TNIK: variants seen among roughly 807,000 people sequenced by gnomAD.
TNIK encodes the protein TRAF2 and NCK interacting kinase.
A neutral mutation model predicts 191.3 loss-of-function variants in TNIK; 49 were observed. That is an observed-to-expected ratio of 0.26 (90% CI 0.20 to 0.32). The LOEUF (loss-of-function observed/expected upper bound fraction) is 0.32, where lower values mean the gene tolerates loss of function less well. TNIK is among the 10% of genes least tolerant of loss of function. The probability of loss-of-function intolerance (pLI) is 1.00; values close to 1 mark genes in which losing one functional copy is unlikely to be tolerated. For missense variants in TNIK, 1,155 were observed against 1,702.3 expected, an observed-to-expected ratio of 0.68 and a Z score of 5.66; for synonymous variants, 594 against 600.9, an observed-to-expected ratio of 0.99 and a Z score of 0.17.
intron 1 of TNIK, among the ~76,000 whole-genome samples, chr3:171,459,202 C>T (rs1033472401): frequency 8.6e-5 from 13 of 151,334 alleles, no homozygotes; most frequent in Non-Finnish European, 1.6e-4. Context: ...GGACTGGCCA[C>T]AGACACGGGG....
chr3:171,140,268 A>G, intron 13 of TNIK, 131 bp downstream of exon 13: 1 of 716,300 alleles, frequency 1.4e-6, no homozygotes, highest in African/African-American at 1.8e-5. Flanking sequence ...ATAGGTGAGC[A>G]TAATTGCTTG....
chr3:171,333,632 G>A (rs759164308), intron 2 of TNIK, among the ~76,000 whole-genome samples: 1 of 150,082 alleles, frequency 6.7e-6, no homozygotes, highest in African/African-American at 2.5e-5. Flanking sequence ...CCATTCCCAC[G>A]GCAATAATTG....
chr3:171,281,838 A>G (rs1443326091), intron 2 of TNIK, among the ~76,000 whole-genome samples: 1 of 152,234 alleles, frequency 6.6e-6, no homozygotes, highest in African/African-American at 2.4e-5. Flanking sequence ...GAGCTTTGGA[A>G]GTGGATTTTT....
intron 8 of TNIK, among the ~76,000 whole-genome samples, chr3:171,176,985 T>C (rs1297255094): frequency 2.0e-5 from 3 of 152,232 alleles, no homozygotes; most frequent in Non-Finnish European, 2.9e-5. Flanking sequence ...TTTTCATACA[T>C]TGGAGTTTAT....
At chr3:171,141,016 G>T (rs563498412) in intron 12 of TNIK, among the ~76,000 whole-genome samples, 34 of 152,288 alleles carry the variant, frequency 2.2e-4, no homozygotes, top group Non-Finnish European at 4.3e-4. Flanking sequence ...CTCCCACCTA[G>T]TCTGCTACCT....
chr3:171,124,951 T>C (rs139095008), intron 17 of TNIK, among the ~76,000 whole-genome samples: 32 of 152,356 alleles, frequency 2.1e-4, no homozygotes, highest in African/African-American at 7.2e-4. Flanking sequence ...TTTTTTCTGA[T>C]GGCATTTCTG....
intron 1 of TNIK, among the ~76,000 whole-genome samples, chr3:171,443,778 T>C (rs926095868): frequency 6.6e-6 from 1 of 152,128 alleles, no homozygotes; most frequent in African/African-American, 2.4e-5. Context: ...GAGCCATGAT[T>C]GAGCCACTGC....
intron 2 of TNIK, among the ~76,000 whole-genome samples, chr3:171,272,539 GT>G (rs745974284): frequency 6.6e-6 from 1 of 151,986 alleles, no homozygotes; most frequent in Non-Finnish European, 1.5e-5. Flanking sequence ...CATTTCTTTT[GT>G]TTTTTTCTCC....
chr3:171,112,054 A>C (rs1287720144), intron 18 of TNIK, among the ~76,000 whole-genome samples: 2 of 152,224 alleles, frequency 1.3e-5, no homozygotes, highest in Non-Finnish European at 2.9e-5. Flanking sequence ...AAGATAGTAG[A>C]TCTTAAATGT....
chr3:171,428,637 G>C (rs9880227), intron 1 of TNIK, among the ~76,000 whole-genome samples: 30,578 of 120,720 alleles, frequency 0.25, 4,931 homozygotes, highest in African/African-American at 0.5. Flanking sequence ...TTCCACTACA[G>C]ATAACTCTGC....
chr3:171,453,737 G>T (rs1362306908), intron 1 of TNIK, among the ~76,000 whole-genome samples: 1 of 152,132 alleles, frequency 6.6e-6, no homozygotes, highest in African/African-American at 2.4e-5. Context: ...TACAGCACTT[G>T]CAGGGAACAG....
intron 1 of TNIK, among the ~76,000 whole-genome samples, chr3:171,425,212 A>G (rs1425966275): frequency 1.3e-5 from 2 of 152,206 alleles, no homozygotes; most frequent in South Asian, 4.1e-4. Flanking sequence ...AAAAGCCACA[A>G]TTTAAGCCAG....
rs747088168 is a variant in TNIK, at chr3:171,101,495, C to T, written c.2545G>A (p.Glu849Lys). The T allele has an allele frequency of 5.0e-6, 8 of 1,613,318 alleles. No homozygotes were observed. The highest frequency in any genetic ancestry group is 4.5e-5 in the East Asian group (2 of 44,896). Residue 849 changes from glutamate (E) to lysine (K), a missense_variant, in exon 22 of 33, where the codon GAG becomes AAG. Glu to Lys is a moderately conservative substitution (Grantham distance 56). Around this residue, in one of 3 missense-constraint regions of TNIK, gnomAD observed 735 missense variants for 848.0 expected, o/e 0.87. Coordinates refer to ENST00000436636, the MANE Select transcript of TNIK (RefSeq NM_015028.4). ...ACAGCCACTGTCCCATCATGGGTCTCGCTCTCTCCATCTTCCTCCTCTTCC... is the reference window on the plus strand; with the variant it reads ...ACAGCCACTGTCCCATCATGGGTCTTGCTCTCTCCATCTTCCTCCTCTTCC... ...SEEEEEDGES[E>K]THDGTVAVSD...
rs148691485 is a variant in TNIK, at chr3:171,351,985, G to A, written c.123+17635C>T. On this transcript the variant is annotated intron_variant, in intron 2 of 32. Transcript: ENST00000436636. ...CTCTAGTCCTCAGGACCAAGGAGAT[G>A]GCCTAATCTCATGCTTCCCAAAGTT... Among the ~76,000 whole-genome samples, 38 of 152,266 alleles carry A rather than the reference G, an allele frequency of 2.5e-4. No homozygotes were observed. The East Asian group carries it at 7.1e-3, about 29-fold the overall frequency.
chr3:171,283,811 C>T (rs1267068803), intron 2 of TNIK, among the ~76,000 whole-genome samples: 1 of 152,182 alleles, frequency 6.6e-6, no homozygotes, highest in East Asian at 1.9e-4. Flanking sequence ...AGTGATGGCG[C>T]TGCATGGGAA....
At position 171,128,855 on chromosome 3, in the gene TNIK, G is replaced by T; in HGVS notation, c.1632C>A (p.Asn544Lys). Residue 544 changes from asparagine to lysine, a missense_variant, in exon 16 of 33, where the codon AAC (asparagine) becomes AAA (lysine). By Grantham distance (94) the Asn-to-Lys change is moderately conservative. This residue lies in a region of TNIK where 735 missense variants were observed against 848.0 expected (regional missense o/e 0.87). Coordinates refer to ENST00000436636, the MANE Select transcript of TNIK (RefSeq NM_015028.4). ...GAGGCATGGCAGGGGAACTTTGCCG[G>T]TTGAGCCTTGACCGTTCTTCTACCT... ...AKEVEERSRL[N>K]RQSSPAMPHK... 1.3e-6 allele frequency: 2 copies of T among 1,524,266 alleles called. No homozygotes were observed. Among genetic ancestry groups the T allele is most frequent in the Admixed American group, 2.0e-5 (1 of 49,190 alleles). The allele number at this position is 1,524,266 out of a possible 1,614,324, so 94.4% of individuals were successfully genotyped here.
At chr3:171,380,370 A>G (rs2108517695) in intron 1 of TNIK, among the ~76,000 whole-genome samples, 1 of 152,366 alleles carries the variant, frequency 6.6e-6, no homozygotes, top group African/African-American at 2.4e-5. Flanking sequence ...ATGGATTTAA[A>G]GACAAGAGCT....
Position 171,223,518 on chromosome 3 carries a change from G to A in TNIK, c.180+4647C>T, listed in dbSNP as rs564714489. 9.2e-5 allele frequency among the ~76,000 whole-genome samples: 14 copies of A among 152,228 alleles called. No individual in the cohort carries two copies. In the South Asian group the frequency reaches 1.7e-3, roughly 18 times the overall value. ...ACATGAATTGAAGACTGAAAACAAT[G>A]TGGTTAAGAGGATAGACTTAAAGGA... On this transcript the variant is annotated intron_variant, in intron 3 of 32. Transcript: ENST00000436636.
intron 5 of TNIK, among the ~76,000 whole-genome samples, chr3:171,193,296 C>A (rs1738282236): frequency 6.6e-6 from 1 of 152,050 alleles, no homozygotes; most frequent in Non-Finnish European, 1.5e-5. Flanking sequence ...TATTCTTGGC[C>A]CTTTGCATTT....
Sources: allele counts gnomAD v4.1 joint callset (sites outside exome capture counted in the v4.1 genomes callset), GRCh38; gene constraint gnomAD v4.1.1; regional missense constraint gnomAD v4.1.1; transcripts MANE v1.5; gene names NCBI Gene and HGNC (gene_info 2026-07-23, HGNC 2026-07-21).